GALNT2: variants seen among roughly 807,000 people sequenced by gnomAD.
GALNT2 encodes polypeptide N-acetylgalactosaminyltransferase 2.
A neutral mutation model predicts 81.4 loss-of-function variants in GALNT2; 31 were observed. The observed-to-expected ratio is 0.38, with a 90% CI of 0.29 to 0.51. The LOEUF (loss-of-function observed/expected upper bound fraction) is 0.51, where lower values mean the gene tolerates loss of function less well. GALNT2 is among the 20% of genes least tolerant of loss of function. GALNT2 has a pLI of 0.87. For synonymous variants in GALNT2, 303 were observed against 287.4 expected (o/e 1.05, Z -0.55); for missense variants, 629 against 765.7 (o/e 0.82, Z 2.11).
At chr1:230,149,467 G>A (rs527781480) in intron 1 of GALNT2, among the ~76,000 whole-genome samples, 6 of 152,276 alleles carry the variant, frequency 3.9e-5, no homozygotes, top group Middle Eastern at 3.4e-3. Flanking sequence ...TAGGTCTGGC[G>A]TTGAGGGCAG....
intron 1 of GALNT2, among the ~76,000 whole-genome samples, chr1:230,123,273 GGTT>G (rs1661076095): frequency 6.6e-6 from 1 of 152,148 alleles, no homozygotes; most frequent in South Asian, 2.1e-4. Flanking sequence ...GGCTCCAAGT[GGTT>G]GTTAGCTGTT....
chr1:230,263,876 G>A (rs1665953974), intron 13 of GALNT2: 1 of 152,248 alleles, frequency 6.6e-6, no homozygotes, highest in Non-Finnish European at 1.5e-5. Context: ...CCCTTGTCAC[G>A]GAGATTTGTT....
chr1:230,208,106 A>T (rs1360482408), intron 3 of GALNT2, among the ~76,000 whole-genome samples: 1 of 152,212 alleles, frequency 6.6e-6, no homozygotes, highest in African/African-American at 2.4e-5. Context: ...ATAAATTATC[A>T]AGACTTAAAA....
At chr1:230,074,098 CTTTTTT>C (rs11360495) in intron 1 of GALNT2, among the ~76,000 whole-genome samples, 1 of 144,818 alleles carries the variant, frequency 6.9e-6, no homozygotes, top group Non-Finnish European at 1.5e-5. Context: ...TTTTGGCTGG[CTTTTTT>C]TTTTTTTTAA....
intron 1 of GALNT2, among the ~76,000 whole-genome samples, chr1:230,146,680 C>T (rs1413758642): frequency 2.0e-5 from 3 of 152,082 alleles, no homozygotes; most frequent in South Asian, 2.1e-4. Context: ...ATTAATGAAA[C>T]GGCATTGGGA....
At position 230,275,326 on chromosome 1, in the gene GALNT2, C is replaced by G. The variant is rs1178438240; in HGVS notation, c.1560+762C>G. ...CATATATAAACGCCACATATATATA[C>G]ACACCACATATGTATACATATATAT... On this transcript the variant is annotated intron_variant, in intron 15 of 15. Coordinates refer to ENST00000366672, the MANE Select transcript of GALNT2 (RefSeq NM_004481.5). This position sits in a 1 kb window ranked among gnomAD's most constrained non-coding sequence, Gnocchi z 5.5. 6.6e-6 allele frequency among the ~76,000 whole-genome samples: 1 copy of G among 151,300 alleles called. No homozygotes were observed. Among genetic ancestry groups the G allele is most frequent in the Non-Finnish European group, 1.5e-5 (1 of 67,794 alleles).
chr1:230,241,068 T>C (rs1665185876), intron 6 of GALNT2, among the ~76,000 whole-genome samples: 1 of 152,228 alleles, frequency 6.6e-6, no homozygotes, highest in African/African-American at 2.4e-5. Flanking sequence ...TTTTATAGTT[T>C]TTATTTCTCT....
At chr1:230,142,614 A>G (rs555087353) in intron 1 of GALNT2, among the ~76,000 whole-genome samples, 33 of 152,380 alleles carry the variant, frequency 2.2e-4, no homozygotes, top group Non-Finnish European at 4.4e-4. Flanking sequence ...AGTAAGCACC[A>G]TTTAAGTGTC....
intron 11 of GALNT2, among the ~76,000 whole-genome samples, chr1:230,261,342 TAATG>T (rs1665871566): frequency 6.6e-6 from 1 of 152,246 alleles, no homozygotes; most frequent in Non-Finnish European, 1.5e-5. Context: ...ATTATTTTAA[TAATG>T]GTATCTCAGA....
At position 230,271,633 on chromosome 1, in the gene GALNT2, C is replaced by T. The variant is rs1666164195; in HGVS notation, c.1441-2812C>T. On this transcript the variant is annotated intron_variant, in intron 14 of 15. Transcript: ENST00000366672. The surrounding 1 kb of genome is among the most constrained non-coding windows in gnomAD (Gnocchi z 4.2). ...AATTCATTCATTTGCAAGAATAGTT[C>T]ATAGAACTCAGGAAAACGGTTTACT... 6.6e-6 allele frequency among the ~76,000 whole-genome samples: 1 copy of T among 152,232 alleles called. No individual in the cohort carries two copies. The highest frequency in any genetic ancestry group is 1.5e-5 in the Non-Finnish European group (1 of 68,052).
intron 9 of GALNT2, among the ~76,000 whole-genome samples, chr1:230,250,005 G>A (rs1665493586): frequency 6.6e-6 from 1 of 152,196 alleles, no homozygotes. Flanking sequence ...GTAGGAGGTG[G>A]AGTCTCATCT....
chr1:230,071,792 C>T (rs1042922725), intron 1 of GALNT2, among the ~76,000 whole-genome samples: 2 of 152,168 alleles, frequency 1.3e-5, no homozygotes, highest in Non-Finnish European at 2.9e-5. Flanking sequence ...GACAGTGGCA[C>T]TGTAACATAA....
intron 1 of GALNT2, among the ~76,000 whole-genome samples, chr1:230,098,425 A>G (rs1660311589): frequency 6.6e-6 from 1 of 151,978 alleles, no homozygotes; most frequent in African/African-American, 2.4e-5. Flanking sequence ...TGTTTTGCGA[A>G]AGGCAGGTCT....
At chr1:230,089,531 C>T (rs1178668952) in intron 1 of GALNT2, among the ~76,000 whole-genome samples, 1 of 152,140 alleles carries the variant, frequency 6.6e-6, no homozygotes, top group Non-Finnish European at 1.5e-5. Context: ...TTTCATCTAG[C>T]AAAACTGATA....
chr1:230,264,265 CTGGTGT>C (rs1489558062), intron 13 of GALNT2: 2 of 152,298 alleles, frequency 1.3e-5, no homozygotes, highest in African/African-American at 2.4e-5. Flanking sequence ...CACCTCCTGC[CTGGTGT>C]CCCTATACAA....
intron 1 of GALNT2, among the ~76,000 whole-genome samples, chr1:230,123,995 C>T (rs1661099831): frequency 6.6e-6 from 1 of 152,214 alleles, no homozygotes; most frequent in Middle Eastern, 3.2e-3. Context: ...TTCAAACGTA[C>T]AGCTTTGACC....
chr1:230,163,985 A>ACACT lies in GALNT2; in HGVS notation c.127-14232_127-14229dup, dbSNP rs553865666. On this transcript the variant is annotated intron_variant, in intron 1 of 15. Coordinates refer to ENST00000366672, the MANE Select transcript of GALNT2 (RefSeq NM_004481.5). ...GTCACAGCCTGATGTGACACTGGAT[A>ACACT]CACTGCCTGTTAGCTGTGTGCTCTT... Among the ~76,000 whole-genome samples, 7 of 152,188 alleles carry ACACT rather than the reference A, an allele frequency of 4.6e-5. No individual in the cohort carries two copies. The South Asian group carries it at 1.2e-3, about 27-fold the overall frequency.
chr1:230,126,981 C>T (rs1252107119), intron 1 of GALNT2, among the ~76,000 whole-genome samples: 2 of 152,176 alleles, frequency 1.3e-5, no homozygotes, highest in Non-Finnish European at 2.9e-5. Flanking sequence ...CTCAGTCTGG[C>T]GGTTTCCTCT....
chr1:230,250,298 G>A lies in GALNT2; in HGVS notation c.906-159G>A, dbSNP rs114647329. ...GCAGCAGTGGTGAAGCAGAGAGAGT[G>A]GCATGCTGGGCACTGAGCAGAAAAC... On this transcript the variant is annotated intron_variant, in intron 9 of 15. Coordinates refer to ENST00000366672, the MANE Select transcript of GALNT2 (RefSeq NM_004481.5). Among the ~76,000 whole-genome samples the A allele has an allele frequency of 5.4e-3, 824 of 152,302 alleles. 7 individuals are homozygous for A. Among genetic ancestry groups the A allele is most frequent in the African/African-American group, 0.019 (786 of 41,550 alleles).
Sources: gnomAD v4.1 joint callset for allele counts (sites outside exome capture counted in the v4.1 genomes callset) on GRCh38, gnomAD v4.1.1 for gene constraint, Gnocchi (gnomAD v3.1) non-coding constraint, MANE v1.5 for transcripts, NCBI Gene and HGNC (gene_info 2026-07-23, HGNC 2026-07-21) for gene names.